The following RANBP2 variants were observed in gnomAD, a reference collection of about 807,000 sequenced individuals.
RANBP2 encodes the protein RAN binding protein 2.
In RANBP2, 57 loss-of-function variants were observed where a neutral mutation model predicts 303.6. The observed-to-expected ratio is 0.19, with a 90% confidence interval of 0.15 to 0.23. RANBP2 has a LOEUF of 0.23. RANBP2 is among the 10% of genes least tolerant of loss of function. RANBP2 has a pLI of 1.00. For missense variants in RANBP2, 3,138 were observed against 3,780.8 expected, an observed-to-expected ratio of 0.83 and a Z score of 4.46; for synonymous variants, 1,167 against 1,301.5, an observed-to-expected ratio of 0.90 and a Z score of 2.23.
chr2:108,725,327 A>G (rs1355519165), intron 1 of RANBP2, among the ~76,000 whole-genome samples: 2 of 152,270 alleles, frequency 1.3e-5, no homozygotes, highest in South Asian at 2.1e-4. Context: ...GCAAAAGATC[A>G]TATAGAAGAA....
At chr2:109,028,937 A>ATTTG in the RANBP2 span, among the ~76,000 whole-genome samples, 42 of 149,970 alleles carry the variant, frequency 2.8e-4, no homozygotes, top group East Asian at 6.6e-3. Flanking sequence ...TTATTTATTT[A>ATTTG]TTTGTTTGTT....
chr2:109,683,815 C>T, the RANBP2 span, among the ~76,000 whole-genome samples: 1 of 152,176 alleles, frequency 6.6e-6, no homozygotes, highest in Non-Finnish European at 1.5e-5. Context: ...TTCACTGTGT[C>T]TTTACTGGTA....
the RANBP2 span, among the ~76,000 whole-genome samples, chr2:109,405,122 C>T: frequency 3.9e-5 from 6 of 152,072 alleles, no homozygotes; most frequent in South Asian, 1.0e-3. Context: ...TCCAGAACCC[C>T]AGCCAACGTC....
At chr2:109,203,395 T>C in the RANBP2 span, among the ~76,000 whole-genome samples, 1 of 152,200 alleles carries the variant, frequency 6.6e-6, no homozygotes, top group Admixed American at 6.5e-5. Flanking sequence ...GGAGGGTGTT[T>C]CCGCGTCCCT....
At chr2:109,654,987 C>T in the RANBP2 span, among the ~76,000 whole-genome samples, 1 of 151,878 alleles carries the variant, frequency 6.6e-6, no homozygotes, top group South Asian at 2.1e-4. Flanking sequence ...ATTGCAACCT[C>T]TGCTTCCTGG....
downstream of RANBP2, among the ~76,000 whole-genome samples, chr2:108,790,400 G>GT (rs1679714145): frequency 1.3e-5 from 2 of 152,282 alleles, no homozygotes; most frequent in South Asian, 4.1e-4. Context: ...TGGACCCCTA[G>GT]TTGTGATCTG....
the RANBP2 span, among the ~76,000 whole-genome samples, chr2:109,598,568 C>A: frequency 6.6e-6 from 1 of 151,862 alleles, no homozygotes; most frequent in African/African-American, 2.4e-5. Flanking sequence ...GGAGGCCGGG[C>A]GTGGTGGCTC....
At chr2:109,606,769 T>C in the RANBP2 span, among the ~76,000 whole-genome samples, 14 of 139,874 alleles carry the variant, frequency 1.0e-4, no homozygotes, top group Non-Finnish European at 1.8e-4. Flanking sequence ...AACCTCCGTC[T>C]CGCAGGTTCA....
At chr2:109,102,273 TGTATTTTTA>T in the RANBP2 span, among the ~76,000 whole-genome samples, 1 of 151,950 alleles carries the variant, frequency 6.6e-6, no homozygotes, top group African/African-American at 2.4e-5. Context: ...GCCAATTTTT[TGTATTTTTA>T]GTAGAGACGG....
chr2:109,336,347 G>A, the RANBP2 span, among the ~76,000 whole-genome samples: 1 of 152,212 alleles, frequency 6.6e-6, no homozygotes, highest in Admixed American at 6.5e-5. Context: ...AAGTGTGAAG[G>A]CTTCAAGAAG....
the RANBP2 span, chr2:108,910,853 G>C: frequency 5.0e-6 from 8 of 1,614,134 alleles, no homozygotes; most frequent in Non-Finnish European, 6.8e-6. Context: ...GCAACAGGCT[G>C]GGGAGAGAGG....
At chr2:109,308,306 G>A in the RANBP2 span, among the ~76,000 whole-genome samples, 3 of 120,482 alleles carry the variant, frequency 2.5e-5, 1 homozygote, top group Admixed American at 1.6e-4. Flanking sequence ...TGAGTTCATT[G>A]TAGATTCTGG....
the RANBP2 span, among the ~76,000 whole-genome samples, chr2:109,645,935 C>A: frequency 6.6e-6 from 1 of 152,108 alleles, no homozygotes; most frequent in Non-Finnish European, 1.5e-5. Context: ...AAACTCTCAA[C>A]GCAGCCAAAA....
chr2:109,725,353 T>C, the RANBP2 span, among the ~76,000 whole-genome samples: 15,357 of 151,650 alleles, frequency 0.1, 1,696 homozygotes, highest in African/African-American at 0.27. Context: ...GTGGAGGGGG[T>C]GGAAGAGAAG....
the RANBP2 span, chr2:109,490,579 G>A: frequency 7.1e-7 from 1 of 1,407,376 alleles, no homozygotes; most frequent in South Asian, 1.6e-5. Flanking sequence ...TCACCTGTTT[G>A]GTTTCCATCT....
the RANBP2 span, among the ~76,000 whole-genome samples, chr2:108,855,429 C>T: frequency 1.3e-5 from 2 of 151,574 alleles, no homozygotes; most frequent in African/African-American, 4.9e-5. Context: ...AACTTTTGTT[C>T]CTATAAAGAG....
At chr2:108,750,143 C>G (rs1375241651) in intron 9 of RANBP2, among the ~76,000 whole-genome samples, 1 of 152,242 alleles carries the variant, frequency 6.6e-6, no homozygotes, top group African/African-American at 2.4e-5. Flanking sequence ...GAGACTTCGT[C>G]TCAAAAACAA....
the RANBP2 span, among the ~76,000 whole-genome samples, chr2:109,288,869 G>A: frequency 5.9e-5 from 9 of 152,272 alleles, no homozygotes; most frequent in African/African-American, 2.2e-4. Context: ...AAACAGATGG[G>A]TGTTCCGTAA....
At chr2:108,868,905 GA>G in the RANBP2 span, among the ~76,000 whole-genome samples, 2 of 151,710 alleles carry the variant, frequency 1.3e-5, no homozygotes, top group Admixed American at 6.6e-5. Flanking sequence ...TTTTGTGAAA[GA>G]AAAAAATGAA....
Sources: gnomAD v4.1 joint callset for allele counts (sites outside exome capture counted in the v4.1 genomes callset) on GRCh38, gnomAD v4.1.1 for gene constraint, MANE v1.5 for transcripts, NCBI Gene and HGNC (gene_info 2026-07-23, HGNC 2026-07-21) for gene names.